MTUS2: variants seen among roughly 807,000 people sequenced by gnomAD.
The protein encoded by MTUS2 is microtubule-associated tumor suppressor candidate 2.
A neutral mutation model predicts 114.1 loss-of-function variants in MTUS2; 40 were observed. That is an observed-to-expected ratio of 0.35 (90% CI 0.27 to 0.46). MTUS2 has a LOEUF of 0.46. Among genes scored for constraint, MTUS2 ranks in the 20% least tolerant of loss-of-function variants. The pLI, the probability that MTUS2 is intolerant of heterozygous loss-of-function variation, is 1.00. For synonymous variants in MTUS2, 688 were observed against 672.0 expected (o/e 1.02, Z -0.37); for missense variants, 1,679 against 1,705.4 (o/e 0.98, Z 0.27).
intron 6 of MTUS2, among the ~76,000 whole-genome samples, chr13:29,317,957 T>G (rs1312213073): frequency 1.3e-5 from 2 of 152,216 alleles, no homozygotes; most frequent in Non-Finnish European, 2.9e-5. Context: ...GTGATTATCA[T>G]CACTTGCGTT....
chr13:29,453,519 A>G (rs1194083181), intron 9 of MTUS2, among the ~76,000 whole-genome samples: 1 of 152,204 alleles, frequency 6.6e-6, no homozygotes, highest in Non-Finnish European at 1.5e-5. Context: ...ATTCATATCC[A>G]GTGTAGGGAG....
chr13:29,031,567 CA>C (rs1187582387), intron 3 of MTUS2, among the ~76,000 whole-genome samples: 1 of 151,970 alleles, frequency 6.6e-6, no homozygotes, highest in Non-Finnish European at 1.5e-5. Flanking sequence ...GATCTACTAG[CA>C]GAATCCCCTT....
At chr13:29,050,106 T>C (rs573520808) in intron 4 of MTUS2, among the ~76,000 whole-genome samples, 60 of 152,250 alleles carry the variant, frequency 3.9e-4, no homozygotes, top group African/African-American at 1.3e-3. Flanking sequence ...CCTATTCCCC[T>C]TTCTCTCCTT....
intron 8 of MTUS2, among the ~76,000 whole-genome samples, chr13:29,364,460 T>A (rs553295459): frequency 1.4e-4 from 21 of 152,324 alleles, no homozygotes; most frequent in Admixed American, 6.5e-4. Flanking sequence ...GTGCAGTGAT[T>A]GCTCTAGCAT....
intron 9 of MTUS2, 59 bp downstream of exon 9, chr13:29,440,108 T>A: frequency 2.0e-6 from 3 of 1,506,872 alleles, no homozygotes; most frequent in Non-Finnish European, 2.7e-6. Flanking sequence ...TTCCTGTGAA[T>A]GTGTACCAAA....
At chr13:29,137,593 C>T (rs1892035924) in intron 5 of MTUS2, among the ~76,000 whole-genome samples, 2 of 150,806 alleles carry the variant, frequency 1.3e-5, no homozygotes, top group Admixed American at 1.3e-4. Flanking sequence ...TCTTCTTTCT[C>T]CTTCCCCTCC....
At chr13:29,058,832 C>G (rs143651355) in intron 4 of MTUS2, among the ~76,000 whole-genome samples, 1 of 151,288 alleles carries the variant, frequency 6.6e-6, no homozygotes, top group Non-Finnish European at 1.5e-5. Flanking sequence ...TTTGTCCTTA[C>G]GATAGTTTGC....
At chr13:29,488,276 T>C in intron 11 of MTUS2, 1 of 465,212 alleles carries the variant, frequency 2.1e-6, no homozygotes, top group South Asian at 2.3e-5. Flanking sequence ...AAAAGACCAA[T>C]GCCAGCCTCA....
chr13:28,952,756 A>G (rs1882872933), intron 2 of MTUS2, among the ~76,000 whole-genome samples: 1 of 152,090 alleles, frequency 6.6e-6, no homozygotes, highest in Non-Finnish European at 1.5e-5. Context: ...AGCATCTCCA[A>G]CTCAACTGGC....
chr13:29,156,937 G>A lies in MTUS2; in HGVS notation c.2644+55967G>A, dbSNP rs1892886450. 2.6e-5 allele frequency among the ~76,000 whole-genome samples: 4 copies of A among 152,088 alleles called. 1 individual carries two copies. The South Asian group carries it at 8.3e-4, about 31-fold the overall frequency. On this transcript the variant is annotated intron_variant, in intron 5 of 15. Coordinates refer to ENST00000612955, the MANE Select transcript of MTUS2 (RefSeq NM_001033602.4). Reference sequence around the variant, plus strand: ...ACTTTTACCATGGAGAAGATAATGTGCATCTGTGAATAATATATAGTATTG... The same window carrying A: ...ACTTTTACCATGGAGAAGATAATGTACATCTGTGAATAATATATAGTATTG...
At chr13:28,831,137 A>C (rs1874644427) in intron 1 of MTUS2, among the ~76,000 whole-genome samples, 1 of 125,054 alleles carries the variant, frequency 8.0e-6, no homozygotes, top group African/African-American at 3.0e-5. Flanking sequence ...ACAAACCACT[A>C]AGAAAATAAC....
At chr13:28,911,652 C>A (rs1417956216) in intron 2 of MTUS2, among the ~76,000 whole-genome samples, 1 of 152,050 alleles carries the variant, frequency 6.6e-6, no homozygotes, top group South Asian at 2.1e-4. Flanking sequence ...TTCTCCACAA[C>A]CTCAGCAGCA....
intron 7 of MTUS2, among the ~76,000 whole-genome samples, chr13:29,335,253 A>T (rs898694745): frequency 2.0e-5 from 3 of 152,184 alleles, no homozygotes; most frequent in African/African-American, 2.4e-5. Flanking sequence ...TAGATAAGGG[A>T]TGAAATAAGC....
chr13:29,310,104 T>C (rs1216188736), intron 6 of MTUS2, among the ~76,000 whole-genome samples: 1 of 152,232 alleles, frequency 6.6e-6, no homozygotes, highest in Admixed American at 6.5e-5. Context: ...ACCTTCATTC[T>C]GTTCTCTATC....
chr13:29,464,179 GGAGAGGACGGCTGTGAGCAGGTGCCT>G (rs1276725919), intron 9 of MTUS2, among the ~76,000 whole-genome samples: 1 of 152,188 alleles, frequency 6.6e-6, no homozygotes, highest in Non-Finnish European at 1.5e-5. Context: ...GAACAGGTGT[GGAGAGGACGGCTGTGAGCAGGTGCCT>G]GAGAGCAGAA....
intron 2 of MTUS2, among the ~76,000 whole-genome samples, chr13:28,980,471 G>T (rs914907867): frequency 6.6e-6 from 1 of 152,082 alleles, no homozygotes; most frequent in Non-Finnish European, 1.5e-5. Context: ...TATATGTTGT[G>T]CTTCTCCCTA....
chr13:29,031,494 C>T (rs928214285), intron 3 of MTUS2, among the ~76,000 whole-genome samples: 6 of 151,770 alleles, frequency 4.0e-5, no homozygotes, highest in Non-Finnish European at 8.8e-5. Flanking sequence ...CAAAAATCTG[C>T]AGGGCAGGAC....
At chr13:29,360,116 C>G (rs1164638160) in intron 8 of MTUS2, among the ~76,000 whole-genome samples, 1 of 152,208 alleles carries the variant, frequency 6.6e-6, no homozygotes, top group Non-Finnish European at 1.5e-5. Flanking sequence ...CCCCAGGGAA[C>G]AGAGGTGGGA....
At chr13:29,022,804 G>C (rs541020202) in intron 2 of MTUS2, among the ~76,000 whole-genome samples, 1 of 152,354 alleles carries the variant, frequency 6.6e-6, no homozygotes, top group South Asian at 2.1e-4. Flanking sequence ...GTGGTGATCT[G>C]TGAGTCTACT....
Sources: allele counts gnomAD v4.1 joint callset (sites outside exome capture counted in the v4.1 genomes callset), GRCh38; gene constraint gnomAD v4.1.1; transcripts MANE v1.5; gene names NCBI Gene and HGNC (gene_info 2026-07-23, HGNC 2026-07-21).